The following SYNE1 variants were observed in gnomAD, a reference collection of about 807,000 sequenced individuals.
SYNE1 encodes the protein nesprin-1.
Under a neutral mutation model 1,111.0 loss-of-function variants are expected in SYNE1, and 616 were observed. The observed-to-expected ratio is 0.55, with a 90% CI of 0.52 to 0.59. The LOEUF (loss-of-function observed/expected upper bound fraction) is 0.59. Among genes scored for constraint, SYNE1 ranks in the 20% least tolerant of loss-of-function variants. SYNE1 has a pLI of 0.00. For missense variants in SYNE1, 10,006 were observed against 10,417.0 expected (o/e 0.96, Z 1.72); for synonymous variants, 3,855 against 3,825.8 (o/e 1.01, Z -0.28).
chr6:152,561,275 C>T (rs2099394356), intron 3 of SYNE1, among the ~76,000 whole-genome samples: 1 of 151,966 alleles, frequency 6.6e-6, no homozygotes, highest in Admixed American at 6.6e-5. Context: ...AAACAATGAA[C>T]TATCCAAAAA....
At chr6:152,139,278 A>T (rs963523494) in intron 140 of SYNE1, among the ~76,000 whole-genome samples, 2 of 151,914 alleles carry the variant, frequency 1.3e-5, no homozygotes, top group African/African-American at 4.8e-5. Flanking sequence ...GCCCTTGAAA[A>T]CCATCTTTGT....
At chr6:152,154,372 C>T (rs972216581) in intron 133 of SYNE1, among the ~76,000 whole-genome samples, 2 of 151,942 alleles carry the variant, frequency 1.3e-5, no homozygotes, top group Non-Finnish European at 2.9e-5. Flanking sequence ...CAGTACTACT[C>T]TTCACTGTGT....
Position 152,240,387 on chromosome 6 carries a change from G to C in SYNE1, c.19894-681C>G, listed in dbSNP as rs116220217. Among the ~76,000 whole-genome samples, 448 of 152,222 alleles carry C rather than the reference G, an allele frequency of 2.9e-3. 1 individual carries two copies. Among genetic ancestry groups the C allele is most frequent in the African/African-American group, 1.0e-2 (414 of 41,540 alleles). ...CTTTCTGAACTTCTAGGATATTTGC[G>C]TGCTCATTCCATGTTGTCAAGCACA... On this transcript the variant is annotated intron_variant, in intron 107 of 145. Coordinates refer to ENST00000367255, the MANE Select transcript of SYNE1 (RefSeq NM_182961.4).
intron 11 of SYNE1, among the ~76,000 whole-genome samples, chr6:152,492,678 G>C (rs956513905): frequency 6.6e-5 from 10 of 152,222 alleles, no homozygotes. Context: ...CAGCTTAGCG[G>C]CTGAAGACTG....
intron 42 of SYNE1, 80 bp from the exon 43 acceptor site, chr6:152,409,789 T>A: frequency 1.4e-6 from 2 of 1,434,470 alleles, no homozygotes; most frequent in Non-Finnish European, 1.9e-6. Context: ...GACTTGATGT[T>A]TCACTACGTA....
At position 152,139,608 on chromosome 6, in the gene SYNE1, G is replaced by T. The variant is rs141285633; in HGVS notation, c.25458+342C>A. On this transcript the variant is annotated intron_variant, in intron 140 of 145. Coordinates refer to ENST00000367255, the MANE Select transcript of SYNE1 (RefSeq NM_182961.4). ...GAAAGGAAGGAAGGAAGGGAGGGAG[G>T]GGGGAGAGAGGAAGGAAGGAAGGAA... is the stretch of plus-strand genomic sequence containing the variant. Among the ~76,000 whole-genome samples, 1,107 of 140,410 alleles carry T rather than the reference G, an allele frequency of 7.9e-3. 6 individuals carry two copies. Among genetic ancestry groups the T allele is most frequent in the Non-Finnish European group, 0.012 (787 of 65,152 alleles). The allele number at this position is 140,410 out of a possible 152,430, so 92.1% of individuals were successfully genotyped here.
chr6:152,386,923 A>C (rs1032288433), intron 54 of SYNE1, 149 bp downstream of exon 54: 24 of 620,058 alleles, frequency 3.9e-5, no homozygotes, highest in Non-Finnish European at 6.2e-5. Flanking sequence ...CTGAATGTAC[A>C]AATAGTTTTA....
chr6:152,266,797 T>G (rs1318093933), intron 100 of SYNE1, among the ~76,000 whole-genome samples: 1 of 152,196 alleles, frequency 6.6e-6, no homozygotes, highest in African/African-American at 2.4e-5. Flanking sequence ...TCCTATCACT[T>G]GCCCTCAGAA....
At chr6:152,535,700 C>T (rs912867674) in intron 4 of SYNE1, among the ~76,000 whole-genome samples, 1 of 151,962 alleles carries the variant, frequency 6.6e-6, no homozygotes, top group African/African-American at 2.4e-5. Context: ...AGAAAATAAT[C>T]AATATAAATA....
chr6:152,353,151 C>G (rs1480635141), intron 69 of SYNE1, 112 bp downstream of exon 69: 19 of 1,382,242 alleles, frequency 1.4e-5, no homozygotes, highest in Non-Finnish European at 1.9e-5. Flanking sequence ...AGCTCAGGAT[C>G]ACCAATCATA....
At chr6:152,194,966 G>T (rs1208228609) in intron 127 of SYNE1, among the ~76,000 whole-genome samples, 1 of 151,690 alleles carries the variant, frequency 6.6e-6, no homozygotes, top group Non-Finnish European at 1.5e-5. Context: ...TGTCACCCAG[G>T]CTGGAGTGCA....
chr6:152,213,469 G>T, intron 123 of SYNE1, 143 bp downstream of exon 123: 1 of 940,494 alleles, frequency 1.1e-6, no homozygotes, highest in Non-Finnish European at 1.7e-6. Flanking sequence ...AAAACCTCAA[G>T]CTTAAGAAAG....
At chr6:152,251,244 C>G (rs2153600289) in intron 104 of SYNE1, among the ~76,000 whole-genome samples, 1 of 152,020 alleles carries the variant, frequency 6.6e-6, no homozygotes, top group Middle Eastern at 3.4e-3. Flanking sequence ...AGCCACCGCA[C>G]CCGGCCCATT....
rs142874235 is a variant in SYNE1, at chr6:152,278,644, G to A, written c.18382-364C>T. Among the ~76,000 whole-genome samples, 714 of 152,180 alleles carry A rather than the reference G, an allele frequency of 4.7e-3. 8 individuals carry two copies. The highest frequency in any genetic ancestry group is 0.017 in the African/African-American group (701 of 41,524). On this transcript the variant is annotated intron_variant, in intron 97 of 145. Coordinates refer to ENST00000367255, the MANE Select transcript of SYNE1 (RefSeq NM_182961.4). ...TGCCCGGCTACTGTTTTGTTTTTTA[G>A]TAGAGACGGGGTTTCACCGTGTTAG...
In SYNE1 at chr6:152,331,462, G is replaced by C. The variant is rs886061204; in HGVS notation, c.13223C>G (p.Ala4408Gly). The C allele has an allele frequency of 6.2e-7, 1 of 1,614,128 alleles. No individual in the cohort carries two copies. The highest frequency in any genetic ancestry group is 8.5e-7 in the Non-Finnish European group (1 of 1,180,026). ...ACCAAGATCTGCCATGACCCTGTCTGCGTCCTTTATAAGCGATTTCAGGAG... is the reference window on the plus strand; with the variant it reads ...ACCAAGATCTGCCATGACCCTGTCTCCGTCCTTTATAAGCGATTTCAGGAG... Reference protein sequence around the residue: ...QMLLKSLIKDADRVMADLGLN... With the variant: ...QMLLKSLIKDGDRVMADLGLN... The change falls in exon 78 of 146, where the codon GCA becomes GGA. Residue 4408 changes from alanine to glycine, a missense_variant. Around this residue, in one of 7 missense-constraint regions of SYNE1, gnomAD observed 4,955 missense variants for 5,017.2 expected, o/e 0.99. Coordinates refer to ENST00000367255, the MANE Select transcript of SYNE1 (RefSeq NM_182961.4).
chr6:152,477,350 G>A (rs765695262), intron 14 of SYNE1, among the ~76,000 whole-genome samples: 6 of 152,122 alleles, frequency 3.9e-5, no homozygotes, highest in African/African-American at 1.2e-4. Flanking sequence ...CAAAAGAGGT[G>A]GCCAGAAAAG....
intron 4 of SYNE1, among the ~76,000 whole-genome samples, chr6:152,535,667 T>A (rs867359998): frequency 2.0e-5 from 3 of 152,272 alleles, no homozygotes; most frequent in Non-Finnish European, 2.9e-5. Flanking sequence ...AGAGAAAATA[T>A]GAAACTGCAA....
chr6:152,238,342 C>T (rs916147160), intron 108 of SYNE1, among the ~76,000 whole-genome samples: 7 of 152,118 alleles, frequency 4.6e-5, no homozygotes, highest in African/African-American at 1.7e-4. Context: ...AGACTCATTG[C>T]TGAAACAGGG....
intron 72 of SYNE1, among the ~76,000 whole-genome samples, chr6:152,348,715 A>C (rs1362353631): frequency 6.7e-6 from 1 of 149,238 alleles, no homozygotes; most frequent in East Asian, 2.0e-4. Flanking sequence ...AAAATAAATA[A>C]ATACATAAAT....
Sources: gnomAD v4.1 joint callset for allele counts (sites outside exome capture counted in the v4.1 genomes callset) on GRCh38, gnomAD v4.1.1 for gene constraint, gnomAD v4.1.1 regional missense constraint, MANE v1.5 for transcripts, NCBI Gene and HGNC (gene_info 2026-07-23, HGNC 2026-07-21) for gene names.